Variants in DNAAF9 observed in about 807,000 individuals in gnomAD.
The protein encoded by DNAAF9 is shulin.
In DNAAF9, 90 loss-of-function variants were observed where a neutral mutation model predicts 167.0. The observed-to-expected ratio is 0.54, with a 90% CI of 0.45 to 0.64. The LOEUF is 0.64. DNAAF9 is among the 30% of genes least tolerant of loss of function. The pLI is 0.00. For synonymous variants in DNAAF9, 491 were observed against 508.8 expected, an observed-to-expected ratio of 0.96 and a Z score of 0.47; for missense variants, 1,315 against 1,442.2, an observed-to-expected ratio of 0.91 and a Z score of 1.43.
At chr20:3,395,787 C>T (rs903427541) in intron 1 of DNAAF9, among the ~76,000 whole-genome samples, 22 of 151,950 alleles carry the variant, frequency 1.4e-4, no homozygotes, top group African/African-American at 4.6e-4. Context: ...TAATCTTTAA[C>T]ATTCTTATTA....
chr20:3,359,270 C>T (rs1034545068), intron 7 of DNAAF9, among the ~76,000 whole-genome samples: 1 of 152,210 alleles, frequency 6.6e-6, no homozygotes, highest in Non-Finnish European at 1.5e-5. Flanking sequence ...AACCTAAAGG[C>T]CAGGCAGGAG....
Position 3,405,532 on chromosome 20 carries a change from G to A in DNAAF9, c.83+1943C>T, listed in dbSNP as rs114507111. Among the ~76,000 whole-genome samples, 491 of 152,314 alleles carry A rather than the reference G, an allele frequency of 3.2e-3. 2 individuals are homozygous for A. The highest frequency in any genetic ancestry group is 0.011 in the African/African-American group (460 of 41,560). On this transcript the variant is annotated intron_variant, in intron 1 of 36. Coordinates refer to ENST00000252032, the MANE Select transcript of DNAAF9 (RefSeq NM_001009984.3). Reference sequence around the variant, plus strand: ...ATTTCTTTCACCAAAGGTATTGGGGGCAGCTAGGCCTTGGGGTTCCTTGCA... The same window carrying A: ...ATTTCTTTCACCAAAGGTATTGGGGACAGCTAGGCCTTGGGGTTCCTTGCA...
chr20:3,342,130 T>C (rs1269380013), intron 9 of DNAAF9, among the ~76,000 whole-genome samples: 1 of 152,218 alleles, frequency 6.6e-6, no homozygotes, highest in East Asian at 1.9e-4. Context: ...AGAACTTGTA[T>C]GATCTGGTGA....
intron 1 of DNAAF9, among the ~76,000 whole-genome samples, chr20:3,383,452 G>A (rs2083691376): frequency 1.3e-5 from 2 of 151,838 alleles, no homozygotes; most frequent in South Asian, 4.2e-4. Context: ...TATTTTAGCA[G>A]AGATGGAGTT....
At chr20:3,339,002 C>T (rs899865746) in intron 10 of DNAAF9, among the ~76,000 whole-genome samples, 6 of 151,984 alleles carry the variant, frequency 3.9e-5, no homozygotes, top group Non-Finnish European at 8.8e-5. Flanking sequence ...TCTCTTCACA[C>T]TCCTGTTCGG....
chr20:3,362,990 A>G (rs2083382662), intron 6 of DNAAF9, among the ~76,000 whole-genome samples: 1 of 152,162 alleles, frequency 6.6e-6, no homozygotes, highest in Admixed American at 6.5e-5. Flanking sequence ...GCAATTTGGG[A>G]GGCCGAGGCG....
rs561351232 is a variant in DNAAF9 at position 3,407,523 on chromosome 20, G to A, written c.35C>T (p.Pro12Leu). The A allele has an allele frequency of 2.2e-4, 279 of 1,264,390 alleles. No homozygotes were observed. Among genetic ancestry groups the A allele is most frequent in the Admixed American group, 1.2e-3 (29 of 23,782 alleles). The allele number at this position is 1,264,390 out of a possible 1,614,324, so 78.3% of individuals were successfully genotyped here. Residue 12 changes from proline (P) to leucine (L), a missense_variant, in exon 1 of 37, where the codon CCC becomes CTC. Coordinates refer to ENST00000252032, the MANE Select transcript of DNAAF9 (RefSeq NM_001009984.3). ...GGAGCCGCCAGGGGACCGAGCGCGGGGCAGCCCCTGCCGGCGCGGGGGGTA... is the reference window on the plus strand; with the variant it reads ...GGAGCCGCCAGGGGACCGAGCGCGGAGCAGCCCCTGCCGGCGCGGGGGGTA... ...DVYPPRRQGL[P>L]RARSPGGSSR...
At chr20:3,297,635 C>T (rs1288018967) in intron 22 of DNAAF9, among the ~76,000 whole-genome samples, 1 of 152,158 alleles carries the variant, frequency 6.6e-6, no homozygotes, top group Non-Finnish European at 1.5e-5. Context: ...TAAAGTGCAG[C>T]CTGCCAGGTG....
At chr20:3,269,952 C>T (rs537014321) in intron 30 of DNAAF9, among the ~76,000 whole-genome samples, 19 of 148,450 alleles carry the variant, frequency 1.3e-4, no homozygotes, top group African/African-American at 4.2e-4. Flanking sequence ...AGGGAGACTC[C>T]GTCTCAAAAA....
chr20:3,312,436 A>AG (rs1412185264), intron 20 of DNAAF9, among the ~76,000 whole-genome samples: 1 of 152,056 alleles, frequency 6.6e-6, no homozygotes, highest in Non-Finnish European at 1.5e-5. Context: ...AAAAAAAAAA[A>AG]GTATGGAAAA....
chr20:3,358,739 T>C (rs973295050), intron 7 of DNAAF9, among the ~76,000 whole-genome samples: 6 of 152,220 alleles, frequency 3.9e-5, no homozygotes, highest in African/African-American at 1.4e-4. Flanking sequence ...GCAAGAAACA[T>C]ACCTAATGCC....
intron 24 of DNAAF9, 130 bp from the exon 25 acceptor site, chr20:3,294,386 T>C (rs975702072): frequency 1.0e-4 from 84 of 814,514 alleles, no homozygotes; most frequent in Middle Eastern, 9.2e-4. Context: ...GAGAATAAAA[T>C]TGTGTACAGT....
intron 33 of DNAAF9, among the ~76,000 whole-genome samples, chr20:3,257,048 G>A (rs1279785259): frequency 1.3e-5 from 2 of 152,082 alleles, no homozygotes; most frequent in Admixed American, 6.6e-5. Flanking sequence ...AGTGTTGCAC[G>A]AAGGTCACAC....
chr20:3,294,298 C>A, intron 24 of DNAAF9, 42 bp from the exon 25 acceptor site: 1 of 1,345,958 alleles, frequency 7.4e-7, no homozygotes. Context: ...CCATCCTAGC[C>A]TGTCCTGAAG....
At chr20:3,362,027 C>T in intron 6 of DNAAF9, 2 of 1,488,494 alleles carry the variant, frequency 1.3e-6, no homozygotes, top group Non-Finnish European at 9.3e-7. Context: ...TTGGGTCCAC[C>T]ACTCCATTAG....
chr20:3,382,147 G>A (rs2083662500), intron 2 of DNAAF9, among the ~76,000 whole-genome samples: 1 of 152,164 alleles, frequency 6.6e-6, no homozygotes, highest in South Asian at 2.1e-4. Flanking sequence ...AAGTCTCAGA[G>A]TATGGCTCTG....
intron 20 of DNAAF9, among the ~76,000 whole-genome samples, chr20:3,307,968 A>T (rs1015408418): frequency 1.9e-3 from 17 of 9,050 alleles, no homozygotes; most frequent in Non-Finnish European, 2.8e-3. Flanking sequence ...CACAAGGTTT[A>T]AAAAAAAAAA....
chr20:3,383,271 CTT>C (rs11087581), intron 1 of DNAAF9, among the ~76,000 whole-genome samples: 40 of 114,342 alleles, frequency 3.5e-4, no homozygotes, highest in African/African-American at 1.1e-3. Flanking sequence ...TTCCCTAACA[CTT>C]TTTTTTTTTT....
intron 1 of DNAAF9, among the ~76,000 whole-genome samples, chr20:3,392,039 T>C (rs908585127): frequency 3.3e-5 from 5 of 152,108 alleles, no homozygotes; most frequent in Admixed American, 1.3e-4. Context: ...CCAGGCATGA[T>C]GGTGTGCATC....
Sources: gnomAD v4.1 joint callset for allele counts (sites outside exome capture counted in the v4.1 genomes callset) on GRCh38, gnomAD v4.1.1 for gene constraint, MANE v1.5 for transcripts, NCBI Gene and HGNC (gene_info 2026-07-23, HGNC 2026-07-21) for gene names.